The following JAM2 variants were observed in gnomAD, a reference collection of about 807,000 sequenced individuals.
JAM2 encodes junctional adhesion molecule B.
JAM2 carries 17 observed loss-of-function variants against 42.0 expected under a neutral mutation model. The observed-to-expected ratio is 0.40, with a 90% CI of 0.28 to 0.61. JAM2 has a LOEUF of 0.61. Among genes scored for constraint, JAM2 ranks in the 20% least tolerant of loss-of-function variants. The probability of loss-of-function intolerance (pLI) is 0.37; values close to 1 mark genes in which losing one functional copy is unlikely to be tolerated. For missense variants in JAM2, 319 were observed against 358.3 expected (o/e 0.89, Z 0.89); for synonymous variants, 118 against 128.6 (o/e 0.92, Z 0.56).
At chr21:25,706,421 A>T (rs1275444968) in intron 7 of JAM2, among the ~76,000 whole-genome samples, 1 of 152,180 alleles carries the variant, frequency 6.6e-6, no homozygotes, top group Non-Finnish European at 1.5e-5. Flanking sequence ...GCCTCAAGTG[A>T]TCTGCCTGCC....
chr21:25,640,480 T>C (rs375248830), intron 1 of JAM2, among the ~76,000 whole-genome samples: 1 of 152,228 alleles, frequency 6.6e-6, no homozygotes, highest in East Asian at 1.9e-4. Flanking sequence ...CTGGGGACTC[T>C]AGCCAGCTGC....
At chr21:25,655,371 T>TTTTTTTTCTTTTA (rs2032903991) in intron 1 of JAM2, among the ~76,000 whole-genome samples, 2 of 144,304 alleles carry the variant, frequency 1.4e-5, no homozygotes, top group African/African-American at 5.1e-5. Flanking sequence ...TTTTTTTTTT[T>TTTTTTTTCTTTTA]GTCCTTGAAG....
chr21:25,699,579 C>T (rs528337233), intron 5 of JAM2, among the ~76,000 whole-genome samples: 2 of 151,970 alleles, frequency 1.3e-5, no homozygotes, highest in African/African-American at 4.8e-5. Flanking sequence ...AAGACTTAGC[C>T]GGGCGTGGTG....
At chr21:25,675,819 AT>A (rs2033476424) in intron 1 of JAM2, among the ~76,000 whole-genome samples, 1 of 152,064 alleles carries the variant, frequency 6.6e-6, no homozygotes. Context: ...TGAACATGAG[AT>A]TTGGGTGGGA....
chr21:25,675,528 A>AAG (rs1209240632), intron 1 of JAM2, among the ~76,000 whole-genome samples: 4 of 146,080 alleles, frequency 2.7e-5, no homozygotes, highest in South Asian at 2.3e-4. Flanking sequence ...GAGAGAGAGA[A>AAG]AGAGAGAGAG....
chr21:25,693,406 C>T (rs560419919), intron 3 of JAM2, among the ~76,000 whole-genome samples: 5 of 151,954 alleles, frequency 3.3e-5, no homozygotes, highest in East Asian at 3.9e-4. Flanking sequence ...TACAGGCGCC[C>T]GCCACCACAC....
rs930583267 is a variant in JAM2 at position 25,639,690 on chromosome 21, G to T, written c.-132G>T. ...GGAAACTGACATCCCATCTAGAGCC[G>T]TCCCTCCTCTTCCTCCCCTCCCGAC... On this transcript the variant is annotated 5_prime_UTR_variant, in exon 1 of 10. Coordinates refer to ENST00000480456, the MANE Select transcript of JAM2 (RefSeq NM_021219.4). The T allele has an allele frequency of 2.9e-5, 17 of 591,858 alleles. No individual in the cohort carries two copies. The highest frequency in any genetic ancestry group is 4.7e-5 in the Non-Finnish European group (16 of 339,416). 36.7% of individuals were successfully genotyped at this position (591,858 alleles called of 1,614,324 possible).
chr21:25,668,455 G>A lies in JAM2; in HGVS notation c.68-15428G>A, dbSNP rs1001739103. Reference sequence around the variant, plus strand: ...GGAGGAGTGAGAAGTGGTCAGATTCGGAATGCATTTTGAAGGTAAAGTCAG... The same window carrying A: ...GGAGGAGTGAGAAGTGGTCAGATTCAGAATGCATTTTGAAGGTAAAGTCAG... On this transcript the variant is annotated intron_variant, in intron 1 of 9. Coordinates refer to ENST00000480456, the MANE Select transcript of JAM2 (RefSeq NM_021219.4). Among the ~76,000 whole-genome samples, 65 of 152,256 alleles carry A rather than the reference G, an allele frequency of 4.3e-4. 2 individuals are homozygous for A. Among genetic ancestry groups the A allele is most frequent in the South Asian group, 2.1e-4 (1 of 4,824 alleles).
At position 25,671,691 on chromosome 21, in the gene JAM2, T is replaced by C. The variant is rs551478876; in HGVS notation, c.68-12192T>C. Among the ~76,000 whole-genome samples, 3 of 152,212 alleles carry C rather than the reference T, an allele frequency of 2.0e-5. No homozygotes were observed. In the East Asian group the frequency reaches 5.8e-4, roughly 29 times the overall value. On this transcript the variant is annotated intron_variant, in intron 1 of 9. Coordinates refer to ENST00000480456, the MANE Select transcript of JAM2 (RefSeq NM_021219.4). ...TGGCTAATTTTTTGTATTTTTTTAG[T>C]AGAGATGGGGTTTCACCATGTTGGC...
intron 4 of JAM2, among the ~76,000 whole-genome samples, chr21:25,697,972 C>G (rs1052535631): frequency 6.6e-6 from 1 of 151,420 alleles, no homozygotes; most frequent in African/African-American, 2.4e-5. Flanking sequence ...CGCTCTCTCT[C>G]ACACACACAC....
intron 4 of JAM2, among the ~76,000 whole-genome samples, chr21:25,695,763 G>A (rs1017801619): frequency 2.0e-5 from 3 of 149,950 alleles, no homozygotes; most frequent in African/African-American, 7.4e-5. Context: ...GGGTGGCCGG[G>A]CAGAGACGCT....
At chr21:25,667,823 C>A (rs980214090) in intron 1 of JAM2, among the ~76,000 whole-genome samples, 2 of 152,114 alleles carry the variant, frequency 1.3e-5, no homozygotes, top group African/African-American at 4.8e-5. Context: ...GCCCCACCTT[C>A]AGTACATAAA....
intron 7 of JAM2, among the ~76,000 whole-genome samples, chr21:25,707,351 A>G (rs2034293812): frequency 6.6e-6 from 1 of 152,002 alleles, no homozygotes; most frequent in Admixed American, 6.6e-5. Flanking sequence ...GAGTGGTGAC[A>G]TGCACCTGTA....
At chr21:25,690,278 CTTTCTTTCTCTTTA>C (rs1424650511) in intron 3 of JAM2, among the ~76,000 whole-genome samples, 1 of 151,510 alleles carries the variant, frequency 6.6e-6, no homozygotes, top group African/African-American at 2.4e-5. Context: ...TCTCTTCTTT[CTTTCTTTCTCTTTA>C]TTTCTTTCTT....
At chr21:25,696,480 T>C (rs963424886) in intron 4 of JAM2, among the ~76,000 whole-genome samples, 4 of 152,100 alleles carry the variant, frequency 2.6e-5, no homozygotes, top group African/African-American at 4.8e-5. Flanking sequence ...GAAATACTAG[T>C]GATGCACTAG....
At chr21:25,702,914 G>A (rs999879837) in intron 6 of JAM2, among the ~76,000 whole-genome samples, 1 of 151,894 alleles carries the variant, frequency 6.6e-6, no homozygotes, top group Admixed American at 6.6e-5. Context: ...GTGCAGTGTC[G>A]TGATCTCGGC....
At chr21:25,680,742 A>T (rs1223236193) in intron 1 of JAM2, among the ~76,000 whole-genome samples, 1 of 152,188 alleles carries the variant, frequency 6.6e-6, no homozygotes, top group Non-Finnish European at 1.5e-5. Flanking sequence ...CATAAAAAGG[A>T]GGTAGTTTAG....
chr21:25,676,464 G>C (rs1681126604), intron 1 of JAM2, among the ~76,000 whole-genome samples: 1 of 152,020 alleles, frequency 6.6e-6, no homozygotes, highest in Non-Finnish European at 1.5e-5. Context: ...TCTTAGATGA[G>C]TAATAGAGAA....
intron 1 of JAM2, among the ~76,000 whole-genome samples, chr21:25,643,122 C>T (rs1387073195): frequency 2.0e-5 from 3 of 152,160 alleles, no homozygotes; most frequent in African/African-American, 7.2e-5. Context: ...GGGACATAAA[C>T]CACAGCAGAT....
Sources: allele counts gnomAD v4.1 joint callset (sites outside exome capture counted in the v4.1 genomes callset), GRCh38; gene constraint gnomAD v4.1.1; transcripts MANE v1.5; gene names NCBI Gene and HGNC (gene_info 2026-07-23, HGNC 2026-07-21).